The following GRIN2B variants were observed in gnomAD, a reference collection of about 807,000 sequenced individuals.
GRIN2B encodes glutamate ionotropic receptor NMDA type subunit 2B, also known as glutamate receptor ionotropic, NMDA 2B.
Under a neutral mutation model 114.5 loss-of-function variants are expected in GRIN2B, and 5 were observed. The observed-to-expected ratio is 0.04, with a 90% CI of 0.02 to 0.09. The LOEUF (loss-of-function observed/expected upper bound fraction) is 0.09, where lower values mean the gene tolerates loss of function less well. Ranked by LOEUF, GRIN2B falls within the 10% of genes least tolerant of loss-of-function variation. The pLI is 1.00. For missense variants in GRIN2B, 1,108 were observed against 1,943.5 expected (o/e 0.57, Z 8.08); for synonymous variants, 787 against 745.1 (o/e 1.06, Z -0.92).
At chr12:13,881,221 A>G (rs1276324217) in intron 2 of GRIN2B, among the ~76,000 whole-genome samples, 3 of 151,860 alleles carry the variant, frequency 2.0e-5, no homozygotes, top group Non-Finnish European at 4.4e-5. Flanking sequence ...CTGCTGTTCT[A>G]ATTTTCCCTG....
chr12:13,871,418 A>T (rs1865904635), intron 2 of GRIN2B, among the ~76,000 whole-genome samples: 1 of 151,924 alleles, frequency 6.6e-6, no homozygotes, highest in African/African-American at 2.4e-5. Context: ...CTATAAGGTT[A>T]AAAAGGAAAT....
At chr12:13,609,003 G>T (rs1949324587) in intron 9 of GRIN2B, among the ~76,000 whole-genome samples, 171 bp from the exon 10 acceptor site, 1 of 152,104 alleles carries the variant, frequency 6.6e-6, no homozygotes, top group African/African-American at 2.4e-5. Context: ...CTTTTCCAGG[G>T]ACTCTCAGGA....
intron 4 of GRIN2B, among the ~76,000 whole-genome samples, chr12:13,743,974 C>G (rs1286306657): frequency 2.6e-5 from 4 of 152,146 alleles, no homozygotes; most frequent in Non-Finnish European, 5.9e-5. Flanking sequence ...GGGTGGTTTC[C>G]ATGGCTATTC....
At position 13,836,899 on chromosome 12, in the gene GRIN2B, G is replaced by A. The variant is rs375333701; in HGVS notation, c.411+28899C>T. Among the ~76,000 whole-genome samples, 11 of 152,310 alleles carry A rather than the reference G, an allele frequency of 7.2e-5. No homozygotes were observed. The South Asian group carries it at 1.0e-3, about 14-fold the overall frequency. On this transcript the variant is annotated intron_variant, in intron 3 of 13. Transcript: ENST00000609686. ...GTGTCCAGGTAACCTGATGAGCCCC[G>A]TACGGCCCGGGGAATGGAGAATGCA...
chr12:13,612,069 C>T (rs954662945), intron 8 of GRIN2B, among the ~76,000 whole-genome samples: 2 of 152,184 alleles, frequency 1.3e-5, no homozygotes, highest in Admixed American at 1.3e-4. Flanking sequence ...GCTTCATGCC[C>T]GTGAGCCTCT....
intron 3 of GRIN2B, among the ~76,000 whole-genome samples, chr12:13,794,388 C>A (rs1458052129): frequency 2.6e-5 from 4 of 152,158 alleles, no homozygotes; most frequent in Non-Finnish European, 5.9e-5. Context: ...AGATCCATTT[C>A]AATGCATTTG....
At chr12:13,718,221 A>T (rs528276980) in intron 4 of GRIN2B, among the ~76,000 whole-genome samples, 1 of 152,038 alleles carries the variant, frequency 6.6e-6, no homozygotes, top group Non-Finnish European at 1.5e-5. Flanking sequence ...CTCCAGAAGA[A>T]CATGTGAGTT....
At chr12:13,936,542 C>T (rs147989366) in intron 2 of GRIN2B, among the ~76,000 whole-genome samples, 1 of 152,234 alleles carries the variant, frequency 6.6e-6, no homozygotes, top group East Asian at 1.9e-4. Context: ...ACCAAGCCTG[C>T]AAAAGTTCAA....
chr12:13,803,864 C>T (rs953877530), intron 3 of GRIN2B, among the ~76,000 whole-genome samples: 1 of 152,178 alleles, frequency 6.6e-6, no homozygotes, highest in African/African-American at 2.4e-5. Context: ...CGAGTCAACC[C>T]AGTTGGGCAT....
chr12:13,695,051 T>G (rs1047271709), intron 4 of GRIN2B, among the ~76,000 whole-genome samples: 1 of 152,124 alleles, frequency 6.6e-6, no homozygotes, highest in East Asian at 1.9e-4. Context: ...AGGAGTTTGC[T>G]GTTCTATGGA....
intron 4 of GRIN2B, among the ~76,000 whole-genome samples, chr12:13,730,772 TA>T (rs1232132989): frequency 1.3e-5 from 2 of 152,136 alleles, no homozygotes; most frequent in East Asian, 1.9e-4. Context: ...GCAGAATAAT[TA>T]AAAAACTAAA....
chr12:13,619,956 T>C (rs1419513185), intron 5 of GRIN2B, among the ~76,000 whole-genome samples: 1 of 152,220 alleles, frequency 6.6e-6, no homozygotes, highest in African/African-American at 2.4e-5. Flanking sequence ...GAAAAGACAC[T>C]ATCCATCGAC....
chr12:13,612,357 C>G (rs1211312174), intron 8 of GRIN2B, among the ~76,000 whole-genome samples: 1 of 152,192 alleles, frequency 6.6e-6, no homozygotes, highest in Non-Finnish European at 1.5e-5. Context: ...TAACCAGCCC[C>G]CTTTTCCCCT....
chr12:13,865,100 G>T (rs1865806094), intron 3 of GRIN2B, among the ~76,000 whole-genome samples: 1 of 152,182 alleles, frequency 6.6e-6, no homozygotes, highest in South Asian at 2.1e-4. Flanking sequence ...GAAATCACCT[G>T]CCTTGAGGGA....
intron 2 of GRIN2B, among the ~76,000 whole-genome samples, chr12:13,953,957 A>T (rs764728524): frequency 2.0e-5 from 3 of 152,164 alleles, no homozygotes; most frequent in Non-Finnish European, 2.9e-5. Flanking sequence ...AAACCCCCAA[A>T]TGTTTTACTC....
chr12:13,598,168 C>T (rs1446968239), intron 10 of GRIN2B, among the ~76,000 whole-genome samples: 1 of 152,212 alleles, frequency 6.6e-6, no homozygotes, highest in Non-Finnish European at 1.5e-5. Flanking sequence ...GTTCTGGGCT[C>T]CCCAGAGATG....
intron 4 of GRIN2B, among the ~76,000 whole-genome samples, chr12:13,752,031 T>C (rs1253907028): frequency 1.3e-5 from 2 of 152,112 alleles, no homozygotes. Flanking sequence ...TGGAAGAATA[T>C]CAAGATTGGA....
intron 2 of GRIN2B, among the ~76,000 whole-genome samples, chr12:13,948,139 C>T (rs1488555154): frequency 6.6e-6 from 1 of 152,062 alleles, no homozygotes; most frequent in African/African-American, 2.4e-5. Flanking sequence ...AAATATGATA[C>T]AAAATGTCAA....
intron 10 of GRIN2B, among the ~76,000 whole-genome samples, chr12:13,575,031 CTCA>C: frequency 6.6e-6 from 1 of 152,190 alleles, no homozygotes; most frequent in South Asian, 2.1e-4. Context: ...CATTTCACAC[CTCA>C]TAAGATACAC....
Sources: gnomAD v4.1 joint callset for allele counts (sites outside exome capture counted in the v4.1 genomes callset) on GRCh38, gnomAD v4.1.1 for gene constraint, MANE v1.5 for transcripts, NCBI Gene and HGNC (gene_info 2026-07-23, HGNC 2026-07-21) for gene names.